The following ELMO1 variants were observed in gnomAD, a reference collection of about 807,000 sequenced individuals.
ELMO1 encodes the protein engulfment and cell motility 1.
Under a neutral mutation model 98.9 loss-of-function variants are expected in ELMO1, and 26 were observed. That is an observed-to-expected ratio of 0.26 (90% CI 0.19 to 0.36). The LOEUF (loss-of-function observed/expected upper bound fraction) is 0.36. Ranked by LOEUF, ELMO1 falls within the 10% of genes least tolerant of loss-of-function variation. The pLI, the probability that ELMO1 is intolerant of heterozygous loss-of-function variation, is 1.00. For missense variants in ELMO1, 627 were observed against 935.2 expected, an observed-to-expected ratio of 0.67 and a Z score of 4.30; for synonymous variants, 346 against 346.0, an observed-to-expected ratio of 1.00 and a Z score of 0.00.
intron 1 of ELMO1, among the ~76,000 whole-genome samples, chr7:37,424,929 A>C (rs1213668626): frequency 6.6e-6 from 1 of 152,036 alleles, no homozygotes; most frequent in Non-Finnish European, 1.5e-5. Context: ...CCAATCCATC[A>C]ACAGCTTATT....
intron 4 of ELMO1, among the ~76,000 whole-genome samples, chr7:37,295,734 A>G (rs1340494604): frequency 6.6e-6 from 1 of 152,236 alleles, no homozygotes; most frequent in Non-Finnish European, 1.5e-5. Flanking sequence ...ATAATGCCTC[A>G]GAGCCCAAAT....
At chr7:37,008,915 C>T (rs1793344989) in intron 16 of ELMO1, among the ~76,000 whole-genome samples, 1 of 152,174 alleles carries the variant, frequency 6.6e-6, no homozygotes, top group African/African-American at 2.4e-5. Flanking sequence ...TCCCCCGCCA[C>T]CCCCGATGAT....
At chr7:37,426,905 C>A in intron 1 of ELMO1, among the ~76,000 whole-genome samples, 1 of 151,914 alleles carries the variant, frequency 6.6e-6, no homozygotes, top group Non-Finnish European at 1.5e-5. Flanking sequence ...TTTAAATATT[C>A]CCTAAAAGCC....
chr7:37,356,664 A>T (rs896582939), intron 1 of ELMO1, among the ~76,000 whole-genome samples: 3 of 152,018 alleles, frequency 2.0e-5, no homozygotes, highest in Non-Finnish European at 4.4e-5. Context: ...AATATAGATG[A>T]CAGGTTGATG....
intron 16 of ELMO1, among the ~76,000 whole-genome samples, chr7:36,973,539 T>G (rs1479937249): frequency 1.3e-5 from 2 of 152,052 alleles, no homozygotes; most frequent in East Asian, 3.9e-4. Flanking sequence ...GAAGCCACAT[T>G]CATGATCCTG....
chr7:36,917,813 C>T (rs2893535), intron 16 of ELMO1, among the ~76,000 whole-genome samples: 144,655 of 152,318 alleles, frequency 0.95, 68,795 homozygotes, highest in East Asian at 1. Flanking sequence ...GCAGAATTCT[C>T]TGTGGTAGCA....
chr7:37,052,903 T>A (rs1255761478), intron 15 of ELMO1, among the ~76,000 whole-genome samples: 1 of 152,146 alleles, frequency 6.6e-6, no homozygotes, highest in African/African-American at 2.4e-5. Flanking sequence ...TGAGGCTCCC[T>A]AATGATGCAA....
At chr7:37,291,089 T>A (rs912639043) in intron 4 of ELMO1, among the ~76,000 whole-genome samples, 8 of 151,718 alleles carry the variant, frequency 5.3e-5, no homozygotes, top group African/African-American at 1.9e-4. Flanking sequence ...ATGAAAGAAG[T>A]GACAATGCAA....
intron 15 of ELMO1, among the ~76,000 whole-genome samples, chr7:37,018,959 CG>C (rs1044870470): frequency 6.6e-6 from 1 of 151,844 alleles, no homozygotes; most frequent in Admixed American, 6.6e-5. Context: ...AAGCGGGGGG[CG>C]GGGGTGCTTA....
At chr7:37,187,847 A>T (rs569847312) in intron 13 of ELMO1, among the ~76,000 whole-genome samples, 8 of 152,284 alleles carry the variant, frequency 5.3e-5, no homozygotes, top group East Asian at 3.9e-4. Context: ...CACAGTTTTT[A>T]AAAAAATAAC....
At chr7:37,353,111 T>A (rs181284926) in intron 1 of ELMO1, 16 of 152,286 alleles carry the variant, frequency 1.1e-4, no homozygotes, top group African/African-American at 3.6e-4. Flanking sequence ...ATCAGGATCA[T>A]CCCCCAGCCA....
At chr7:37,266,883 T>C (rs987989783) in intron 5 of ELMO1, among the ~76,000 whole-genome samples, 2 of 151,856 alleles carry the variant, frequency 1.3e-5, no homozygotes, top group Non-Finnish European at 2.9e-5. Flanking sequence ...CATGATGGCG[T>C]ACGCCTGTAG....
chr7:36,904,401 T>C (rs1287675874), intron 16 of ELMO1, among the ~76,000 whole-genome samples: 1 of 152,178 alleles, frequency 6.6e-6, no homozygotes, highest in Non-Finnish European at 1.5e-5. Flanking sequence ...ATAGCGGTGC[T>C]CAGGCAGCTT....
chr7:37,192,927 TAA>T (rs1468964412), intron 13 of ELMO1, among the ~76,000 whole-genome samples: 1 of 145,202 alleles, frequency 6.9e-6, no homozygotes, highest in Non-Finnish European at 1.5e-5. Flanking sequence ...ATATTATATA[TAA>T]TTTATATATA....
At chr7:37,081,449 G>A (rs2129236611) in intron 15 of ELMO1, among the ~76,000 whole-genome samples, 1 of 152,228 alleles carries the variant, frequency 6.6e-6, no homozygotes, top group East Asian at 1.9e-4. Flanking sequence ...TATGTGATAT[G>A]GTTTGGCTGT....
chr7:36,922,275 CTTCTA>C (rs1785206353), intron 16 of ELMO1, among the ~76,000 whole-genome samples: 1 of 140,208 alleles, frequency 7.1e-6, no homozygotes, highest in African/African-American at 2.7e-5. Context: ...AGCTCATGAA[CTTCTA>C]TTTTATTTTA....
intron 15 of ELMO1, among the ~76,000 whole-genome samples, chr7:37,040,264 A>G (rs902687852): frequency 6.6e-6 from 1 of 152,186 alleles, no homozygotes; most frequent in African/African-American, 2.4e-5. Flanking sequence ...CACAAAACTA[A>G]ATAAAGCCAA....
intron 16 of ELMO1, among the ~76,000 whole-genome samples, chr7:36,999,093 T>A: frequency 6.6e-6 from 1 of 151,870 alleles, no homozygotes; most frequent in East Asian, 1.9e-4. Flanking sequence ...AAGGAGGCCA[T>A]CCCCGGGGCC....
intron 16 of ELMO1, among the ~76,000 whole-genome samples, chr7:36,943,238 A>G (rs2129097000): frequency 6.6e-6 from 1 of 152,366 alleles, no homozygotes. Flanking sequence ...TACGTTCAGT[A>G]TCCCTTATCT....
Sources: allele counts gnomAD v4.1 joint callset (sites outside exome capture counted in the v4.1 genomes callset), GRCh38; gene constraint gnomAD v4.1.1; transcripts MANE v1.5; gene names NCBI Gene and HGNC (gene_info 2026-07-23, HGNC 2026-07-21).